RORB: variants seen among roughly 807,000 people sequenced by gnomAD.
The protein encoded by RORB is nuclear receptor ROR-beta.
RORB carries 6 observed loss-of-function variants against 59.1 expected under a neutral mutation model. The ratio of observed to expected loss-of-function variants is 0.10; its 90% CI spans 0.06 to 0.20. RORB has a LOEUF of 0.20. Ranked by LOEUF, RORB falls within the 10% of genes least tolerant of loss-of-function variation. The probability of loss-of-function intolerance (pLI) is 1.00; values close to 1 mark genes in which losing one functional copy is unlikely to be tolerated. For synonymous variants in RORB, 215 were observed against 204.5 expected (o/e 1.05, Z -0.44); for missense variants, 320 against 560.5 (o/e 0.57, Z 4.33).
intron 1 of RORB, among the ~76,000 whole-genome samples, chr9:74,524,827 T>G (rs943706134): frequency 1.3e-5 from 2 of 151,818 alleles, no homozygotes; most frequent in African/African-American, 4.8e-5. Flanking sequence ...GGAAGCCTGG[T>G]TTTTCTTTAA....
chr9:74,543,233 G>A (rs577051199), intron 1 of RORB, among the ~76,000 whole-genome samples: 47 of 152,102 alleles, frequency 3.1e-4, no homozygotes, highest in African/African-American at 1.1e-3. Flanking sequence ...CACCACATAC[G>A]GCAACCCACC....
intron 3 of RORB, among the ~76,000 whole-genome samples, chr9:74,639,171 A>T (rs1464647643): frequency 6.6e-6 from 1 of 152,198 alleles, no homozygotes; most frequent in African/African-American, 2.4e-5. Context: ...ATGACCAAGG[A>T]GGTCTGGCTC....
rs1422444614 is a variant in RORB, at chr9:74,689,778, G to A, written c.*4160G>A. ...AATGCAATGTGTACGAGGCTTGAAG[G>A]CAAAAACAATTCTTGGGTCCCAAGG... is the stretch of plus-strand genomic sequence containing the variant. On this transcript the variant is annotated 3_prime_UTR_variant, in exon 10 of 10. Coordinates refer to ENST00000376896, the MANE Select transcript of RORB (RefSeq NM_006914.4). 1 of 152,142 alleles carries A rather than the reference G, an allele frequency of 6.6e-6. No homozygotes were observed. The highest frequency in any genetic ancestry group is 1.5e-5 in the Non-Finnish European group (1 of 68,028). The allele number at this position is 152,142 out of a possible 1,614,324, so 9.4% of individuals were successfully genotyped here. A position where few individuals can be genotyped will look rare whatever the true frequency, so the allele number is the denominator to read the frequency against.
rs1313500289 is a variant in RORB, at chr9:74,586,600, CGTGTGTGT to C, written c.8-43651_8-43644del. On this transcript the variant is annotated intron_variant, in intron 1 of 9. Transcript: ENST00000376896. ...TGCAAATGAGTACATATGTAATGTCCGTGTGTGTGTGTGTGTGTGTGTGTGTGTGTGTG... is the reference window on the plus strand; with the variant it reads ...TGCAAATGAGTACATATGTAATGTCCGTGTGTGTGTGTGTGTGTGTGTGTG... 4.6e-3 allele frequency among the ~76,000 whole-genome samples: 656 copies of C among 141,280 alleles called. 3 individuals carry two copies. Among genetic ancestry groups the C allele is most frequent in the African/African-American group, 0.014 (539 of 37,710 alleles). 92.7% of individuals were successfully genotyped at this position (141,280 alleles called of 152,430 possible).
At chr9:74,667,663 A>T in intron 7 of RORB, 128 bp from the exon 8 acceptor site, 2 of 578,384 alleles carry the variant, frequency 3.5e-6, no homozygotes, top group Non-Finnish European at 6.1e-6. Flanking sequence ...TTAGAAACTT[A>T]AAAAAATATC....
chr9:74,676,860 G>A (rs965862308), intron 9 of RORB, among the ~76,000 whole-genome samples: 1 of 152,218 alleles, frequency 6.6e-6, no homozygotes, highest in Non-Finnish European at 1.5e-5. Flanking sequence ...GTAGTCTAAG[G>A]TTATGTCACG....
At chr9:74,507,330 G>A (rs1825883067) in intron 1 of RORB, among the ~76,000 whole-genome samples, 1 of 152,028 alleles carries the variant, frequency 6.6e-6, no homozygotes, top group African/African-American at 2.4e-5. Flanking sequence ...GCAATTTAAA[G>A]ACAATCTTAT....
At chr9:74,591,962 G>A (rs937187069) in intron 1 of RORB, among the ~76,000 whole-genome samples, 2 of 151,938 alleles carry the variant, frequency 1.3e-5, no homozygotes, top group South Asian at 2.1e-4. Context: ...GAGAGACAGA[G>A]AGAGAGAGAG....
rs144203282 is a variant in RORB, at chr9:74,542,065, T to C, written c.7+44082T>C. ...CCTTAGATACCTATCTTGAAGCAAATGCAATCCTCTTAAAAAAAAATGAAA... is the reference window on the plus strand; with the variant it reads ...CCTTAGATACCTATCTTGAAGCAAACGCAATCCTCTTAAAAAAAAATGAAA... On this transcript the variant is annotated intron_variant, in intron 1 of 9. Coordinates refer to ENST00000376896, the MANE Select transcript of RORB (RefSeq NM_006914.4). Among the ~76,000 whole-genome samples the C allele has an allele frequency of 2.1e-3, 320 of 151,958 alleles. 3 individuals carry two copies. Among genetic ancestry groups the C allele is most frequent in the African/African-American group, 6.9e-3 (284 of 41,424 alleles).
At chr9:74,660,558 A>G in intron 4 of RORB, 59 bp from the exon 5 acceptor site, 2 of 1,523,842 alleles carry the variant, frequency 1.3e-6, no homozygotes, top group Non-Finnish European at 1.8e-6. Context: ...AACACATTAA[A>G]AGCTAATGAG....
intron 1 of RORB, among the ~76,000 whole-genome samples, chr9:74,617,042 C>A (rs937271021): frequency 1.3e-5 from 2 of 151,768 alleles, no homozygotes; most frequent in African/African-American, 4.8e-5. Flanking sequence ...CTTAGTAATT[C>A]CTAGTTTTCA....
intron 1 of RORB, among the ~76,000 whole-genome samples, chr9:74,515,625 C>T (rs1328930167): frequency 6.6e-6 from 1 of 151,958 alleles, no homozygotes. Flanking sequence ...AATATGCTTT[C>T]TATTAGAAAA....
At chr9:74,616,463 A>G (rs1823314062) in intron 1 of RORB, among the ~76,000 whole-genome samples, 1 of 152,156 alleles carries the variant, frequency 6.6e-6, no homozygotes, top group South Asian at 2.1e-4. Context: ...ATTTGTAGGA[A>G]AAAAAGTAGA....
At chr9:74,663,980 C>T (rs1327839) in intron 6 of RORB, among the ~76,000 whole-genome samples, 3 of 151,840 alleles carry the variant, frequency 2.0e-5, no homozygotes, top group Non-Finnish European at 4.4e-5. Context: ...AGTCATGAAG[C>T]CCCACCCAGA....
At chr9:74,603,019 G>A (rs191773585) in intron 1 of RORB, among the ~76,000 whole-genome samples, 6 of 152,054 alleles carry the variant, frequency 3.9e-5, no homozygotes, top group East Asian at 3.9e-4. Flanking sequence ...ATTTATTGCC[G>A]AATTAATCAG....
chr9:74,669,828 A>AACAC (rs1234372509), intron 8 of RORB, among the ~76,000 whole-genome samples: 1 of 152,222 alleles, frequency 6.6e-6, no homozygotes, highest in African/African-American at 2.4e-5. Context: ...GATGTAAGGT[A>AACAC]ACACATTATA....
chr9:74,654,333 GGAGAGAGAGAGAGAGAGAGAGA>G (rs60137307), intron 4 of RORB, among the ~76,000 whole-genome samples: 2 of 138,616 alleles, frequency 1.4e-5, no homozygotes, highest in Non-Finnish European at 3.1e-5. Flanking sequence ...CAGTCTCAGG[GGAGAGAGAGAGAGAGAGAGAGA>G]GAGAGAGAGA....
At chr9:74,668,483 A>G (rs1022347831) in intron 8 of RORB, among the ~76,000 whole-genome samples, 1 of 152,234 alleles carries the variant, frequency 6.6e-6, no homozygotes, top group Non-Finnish European at 1.5e-5. Context: ...AAAAATCTGC[A>G]TGTAACTTCT....
At chr9:74,664,767 G>A (rs973980910) in intron 6 of RORB, among the ~76,000 whole-genome samples, 1 of 152,194 alleles carries the variant, frequency 6.6e-6, no homozygotes, top group East Asian at 1.9e-4. Context: ...AAAGTTGTAG[G>A]CTAATCACCA....
Sources: gnomAD v4.1 joint callset for allele counts (sites outside exome capture counted in the v4.1 genomes callset) on GRCh38, gnomAD v4.1.1 for gene constraint, MANE v1.5 for transcripts, NCBI Gene and HGNC (gene_info 2026-07-23, HGNC 2026-07-21) for gene names.